COL23A1: variants seen among roughly 807,000 people sequenced by gnomAD.
The protein encoded by COL23A1 is collagen alpha-1(XXIII) chain.
In COL23A1, 97 loss-of-function variants were observed where a neutral mutation model predicts 99.3. The observed-to-expected ratio is 0.98, with a 90% CI of 0.83 to 1.16. COL23A1 has a LOEUF of 1.16. COL23A1 is among the 50% of genes most tolerant of loss of function. COL23A1 has a pLI of 0.00. For synonymous variants in COL23A1, 320 were observed against 308.2 expected (o/e 1.04, Z -0.40); for missense variants, 762 against 757.4 (o/e 1.01, Z -0.07).
At chr5:178,247,590 G>A in intron 21 of COL23A1, 38 bp from the exon 22 acceptor site, 1 of 1,613,244 alleles carries the variant, frequency 6.2e-7, no homozygotes, top group Non-Finnish European at 8.5e-7. Flanking sequence ...GCTGGCTCCG[G>A]ACCCTCTTGC....
chr5:178,391,017 C>T (rs116292189), intron 2 of COL23A1, among the ~76,000 whole-genome samples: 4,688 of 152,320 alleles, frequency 0.031, 244 homozygotes, highest in African/African-American at 0.11. Flanking sequence ...TGTTAGGAAC[C>T]GGGCCTCACA....
At chr5:178,498,404 A>T (rs1013308843) in intron 2 of COL23A1, among the ~76,000 whole-genome samples, 7 of 151,860 alleles carry the variant, frequency 4.6e-5, no homozygotes, top group African/African-American at 1.4e-4. Flanking sequence ...AGTGTTGAAA[A>T]AAAAGTATCT....
At chr5:178,443,874 T>C (rs1317279599) in intron 2 of COL23A1, among the ~76,000 whole-genome samples, 1 of 152,070 alleles carries the variant, frequency 6.6e-6, no homozygotes, top group Non-Finnish European at 1.5e-5. Flanking sequence ...TCATCTAACA[T>C]ATGGCCACTT....
chr5:178,257,443 C>A, intron 13 of COL23A1, 80 bp downstream of exon 13: 2 of 1,495,094 alleles, frequency 1.3e-6, no homozygotes, highest in South Asian at 2.4e-5. Context: ...GCCAAAGGTC[C>A]AGGGTAGGGA....
chr5:178,358,719 ATG>A (rs199624724), intron 2 of COL23A1, among the ~76,000 whole-genome samples: 6 of 102,782 alleles, frequency 5.8e-5, no homozygotes, highest in African/African-American at 2.0e-4. Flanking sequence ...GTATGTGTGT[ATG>A]TGTATGTGTG....
At chr5:178,535,517 C>T (rs149981744) in intron 2 of COL23A1, among the ~76,000 whole-genome samples, 37 of 152,384 alleles carry the variant, frequency 2.4e-4, no homozygotes, top group African/African-American at 8.9e-4. Flanking sequence ...ACGCACAGAA[C>T]AGCAGTGCGC....
chr5:178,523,193 TATATATATAG>T (rs1279173798), intron 2 of COL23A1, among the ~76,000 whole-genome samples: 25 of 79,990 alleles, frequency 3.1e-4, no homozygotes, highest in African/African-American at 9.1e-4. Flanking sequence ...TATATATATA[TATATATATAG>T]AGAGAGAGAG....
At chr5:178,397,213 G>A (rs139271292) in intron 2 of COL23A1, among the ~76,000 whole-genome samples, 45 of 152,248 alleles carry the variant, frequency 3.0e-4, no homozygotes, top group African/African-American at 2.9e-4. Context: ...CCTTCCTGCC[G>A]CCACCAACAT....
chr5:178,292,155 A>G (rs143317114), intron 3 of COL23A1, among the ~76,000 whole-genome samples: 2 of 151,940 alleles, frequency 1.3e-5, no homozygotes, highest in Non-Finnish European at 2.9e-5. Context: ...AACTATGCCT[A>G]TACCTGTACC....
In COL23A1 at chr5:178,387,708, C is replaced by T. The variant is rs143911330; in HGVS notation, c.362-80789G>A. On this transcript the variant is annotated intron_variant, in intron 2 of 28. Coordinates refer to ENST00000390654, the MANE Select transcript of COL23A1 (RefSeq NM_173465.4). The surrounding 1 kb of genome is among the most constrained non-coding windows in gnomAD (Gnocchi z 4.7). ...ACACACTCAGTAAATACACGCTGAG[C>T]TAATGAATGAACGAACGACAATGAG... 1.6e-4 allele frequency among the ~76,000 whole-genome samples: 24 copies of T among 152,346 alleles called. No homozygotes were observed. In the East Asian group the frequency reaches 3.9e-3, roughly 24 times the overall value.
chr5:178,260,379 G>T lies in COL23A1; in HGVS notation c.703-632C>A, dbSNP rs377028049. On this transcript the variant is annotated intron_variant, in intron 11 of 28. Transcript: ENST00000390654. ...GGAATGAGCTGTCAAGCCATGAAAA[G>T]ACATGGATGAAAGGTCAATGTGTAT... is the stretch of plus-strand genomic sequence containing the variant. Among the ~76,000 whole-genome samples the T allele has an allele frequency of 1.4e-4, 22 of 152,348 alleles. No individual in the cohort carries two copies. The East Asian group carries it at 1.5e-3, about 11-fold the overall frequency.
intron 2 of COL23A1, among the ~76,000 whole-genome samples, chr5:178,542,673 C>G (rs1028771636): frequency 6.7e-6 from 1 of 149,348 alleles, no homozygotes; most frequent in Non-Finnish European, 1.5e-5. Flanking sequence ...GAGCTCTAGA[C>G]AGAAAAATGG....
In COL23A1 at chr5:178,434,406, C is replaced by T. The variant is rs1766437596; in HGVS notation, c.361+126276G>A. On this transcript the variant is annotated intron_variant, in intron 2 of 28. Coordinates refer to ENST00000390654, the MANE Select transcript of COL23A1 (RefSeq NM_173465.4). This position sits in a 1 kb window ranked among gnomAD's most constrained non-coding sequence, Gnocchi z 4.3. ...GCCCCTGCAGCACGGTGGCCTCGGG[C>T]AAAATGCCTGGACCAGGACTTGGAC... 6.6e-6 allele frequency among the ~76,000 whole-genome samples: 1 copy of T among 152,230 alleles called. No individual in the cohort carries two copies. Among genetic ancestry groups the T allele is most frequent in the Non-Finnish European group, 1.5e-5 (1 of 68,034 alleles).
At chr5:178,562,359 C>T (rs936000162) in intron 1 of COL23A1, 5 of 203,088 alleles carry the variant, frequency 2.5e-5, no homozygotes, top group Non-Finnish European at 5.1e-5. Flanking sequence ...TCGAGACCAT[C>T]CTGGCTAACA....
Position 178,328,407 on chromosome 5 carries a change from G to A in COL23A1, c.362-21488C>T, listed in dbSNP as rs73804795. Reference sequence around the variant, plus strand: ...CTAGAGGAACAAAACCAAAGTCCACGGCCACCTTCTTAGCGCAGAGCAGCC... The same window carrying A: ...CTAGAGGAACAAAACCAAAGTCCACAGCCACCTTCTTAGCGCAGAGCAGCC... On this transcript the variant is annotated intron_variant, in intron 2 of 28. Coordinates refer to ENST00000390654, the MANE Select transcript of COL23A1 (RefSeq NM_173465.4). Among the ~76,000 whole-genome samples, 1,178 of 152,282 alleles carry A rather than the reference G, an allele frequency of 7.7e-3. 20 individuals are homozygous for A. Among genetic ancestry groups the A allele is most frequent in the African/African-American group, 0.027 (1,119 of 41,554 alleles).
chr5:178,428,236 G>A lies in COL23A1; in HGVS notation c.362-121317C>T, dbSNP rs574280879. On this transcript the variant is annotated intron_variant, in intron 2 of 28. Transcript: ENST00000390654. The surrounding 1 kb of genome is among the most constrained non-coding windows in gnomAD (Gnocchi z 5.0). ...CCAAGCCTTCTGCTGTGGGCTCCCC[G>A]AGGCATTTCCTGGGAGAAGGGTCTC... Among the ~76,000 whole-genome samples, 44 of 152,306 alleles carry A rather than the reference G, an allele frequency of 2.9e-4. No individual in the cohort carries two copies. The South Asian group carries it at 2.9e-3, about 10-fold the overall frequency.
rs540979663 is a variant in COL23A1 at position 178,511,304 on chromosome 5, T to C, written c.361+49378A>G. Among the ~76,000 whole-genome samples the C allele has an allele frequency of 1.8e-4, 28 of 152,292 alleles. 1 individual carries two copies. The South Asian group carries it at 4.4e-3, about 24-fold the overall frequency. ...ATGGGATCTGACAGTTCTGTGACATTTGAATTAAGAGCCCAGGTCTCAACA... is the reference window on the plus strand; with the variant it reads ...ATGGGATCTGACAGTTCTGTGACATCTGAATTAAGAGCCCAGGTCTCAACA... On this transcript the variant is annotated intron_variant, in intron 2 of 28. Coordinates refer to ENST00000390654, the MANE Select transcript of COL23A1 (RefSeq NM_173465.4).
At chr5:178,511,832 G>C (rs967514548) in intron 2 of COL23A1, among the ~76,000 whole-genome samples, 1 of 152,094 alleles carries the variant, frequency 6.6e-6, no homozygotes, top group Non-Finnish European at 1.5e-5. Flanking sequence ...TCAACATCCG[G>C]GAACACTGCA....
intron 2 of COL23A1, among the ~76,000 whole-genome samples, chr5:178,517,027 G>A (rs1036026183): frequency 3.3e-5 from 5 of 152,186 alleles, no homozygotes; most frequent in Admixed American, 1.3e-4. Context: ...AGGACTCAGT[G>A]GGGACGGGGC....
Sources: allele counts gnomAD v4.1 joint callset (sites outside exome capture counted in the v4.1 genomes callset), GRCh38; gene constraint gnomAD v4.1.1; non-coding constraint Gnocchi (gnomAD v3.1); transcripts MANE v1.5; gene names NCBI Gene and HGNC (gene_info 2026-07-23, HGNC 2026-07-21).